Variants in XPO4 observed in about 807,000 individuals in gnomAD.
The protein encoded by XPO4 is exportin 4.
In XPO4, 39 loss-of-function variants were observed where a neutral mutation model predicts 143.0. The ratio of observed to expected loss-of-function variants is 0.27; its 90% CI spans 0.21 to 0.36. The LOEUF (loss-of-function observed/expected upper bound fraction) is 0.36, where lower values mean the gene tolerates loss of function less well. Among genes scored for constraint, XPO4 ranks in the 10% least tolerant of loss-of-function variants. The pLI, the probability that XPO4 is intolerant of heterozygous loss-of-function variation, is 1.00. For missense variants in XPO4, 907 were observed against 1,348.0 expected (o/e 0.67, Z 5.12); for synonymous variants, 439 against 474.0 (o/e 0.93, Z 0.96).
At chr13:20,818,653 T>C (rs1327267064) in intron 9 of XPO4, among the ~76,000 whole-genome samples, 1 of 152,224 alleles carries the variant, frequency 6.6e-6, no homozygotes, top group Non-Finnish European at 1.5e-5. Flanking sequence ...AAAATTAGAA[T>C]TATAATTAGT....
At chr13:20,882,907 G>C (rs1169910038) in intron 1 of XPO4, among the ~76,000 whole-genome samples, 2 of 151,582 alleles carry the variant, frequency 1.3e-5, no homozygotes, top group Non-Finnish European at 2.9e-5. Flanking sequence ...AAAAGGCAGG[G>C]AGTGTAAGAG....
chr13:20,814,210 A>G (rs1231008050), intron 9 of XPO4, among the ~76,000 whole-genome samples: 2 of 149,660 alleles, frequency 1.3e-5, no homozygotes, highest in African/African-American at 2.4e-5. Flanking sequence ...AAAAAAAAAA[A>G]GCAGGATATT....
chr13:20,843,858 G>A lies in XPO4; in HGVS notation c.485C>T (p.Ala162Val), dbSNP rs1305151721. The part of the protein sequence containing the change: ...VQTLACSILT[A>V]LLSEFSSSSK... Reference sequence around the variant, plus strand: ...TGAACTTGAAAATTCACTCAATAGCGCAGTCAGAATAGAACAGGCCAGAGT... The same window carrying A: ...TGAACTTGAAAATTCACTCAATAGCACAGTCAGAATAGAACAGGCCAGAGT... The change falls in exon 5 of 23, where the codon GCG becomes GTG. Residue 162 changes from alanine to valine, a missense_variant. Transcript: ENST00000255305. The A allele has an allele frequency of 3.7e-6, 6 of 1,612,906 alleles. No homozygotes were observed. The highest frequency in any genetic ancestry group is 1.7e-5 in the Admixed American group (1 of 59,982).
chr13:20,835,728 C>T (rs1178763117), intron 6 of XPO4, among the ~76,000 whole-genome samples: 5 of 152,178 alleles, frequency 3.3e-5, no homozygotes, highest in Non-Finnish European at 7.3e-5. Context: ...TTGAACTGCA[C>T]AGGTCCACTT....
chr13:20,848,237 A>G (rs538572221), intron 4 of XPO4: 1 of 979,784 alleles, frequency 1.0e-6, no homozygotes, highest in South Asian at 4.7e-5. Context: ...TACATCTAAA[A>G]TAAATGATAA....
At chr13:20,802,127 G>A (rs547282292) in intron 13 of XPO4, among the ~76,000 whole-genome samples, 1 of 152,090 alleles carries the variant, frequency 6.6e-6, no homozygotes, top group Admixed American at 6.6e-5. Context: ...ACACAGTCAC[G>A]GTCCACTGCA....
chr13:20,866,491 T>C (rs767704251), intron 2 of XPO4: 40 of 611,586 alleles, frequency 6.5e-5, no homozygotes, highest in Non-Finnish European at 7.6e-5. Flanking sequence ...TGAACTGCGA[T>C]TGACTGCCAC....
At chr13:20,819,504 A>G (rs1258037863) in intron 9 of XPO4, among the ~76,000 whole-genome samples, 3 of 152,088 alleles carry the variant, frequency 2.0e-5, no homozygotes, top group Admixed American at 6.5e-5. Flanking sequence ...TACTAAAAAT[A>G]CAAAAATTAG....
rs1469938005 is a variant in XPO4, at chr13:20,779,635, C to T, written c.*4087G>A. On this transcript the variant is annotated 3_prime_UTR_variant, in exon 23 of 23. Coordinates refer to ENST00000255305, the MANE Select transcript of XPO4 (RefSeq NM_022459.5). Reference sequence around the variant, plus strand: ...GTTCCTAGGAGGGAATCGCCACGGCCGACTTCAGCATTCTCGTCTTTACTA... The same window carrying T: ...GTTCCTAGGAGGGAATCGCCACGGCTGACTTCAGCATTCTCGTCTTTACTA... 1.3e-5 allele frequency: 2 copies of T among 152,548 alleles called. No homozygotes were observed. Among genetic ancestry groups the T allele is most frequent in the Non-Finnish European group, 2.9e-5 (2 of 68,010 alleles). The allele number at this position is 152,548 out of a possible 1,614,324, so 9.4% of individuals were successfully genotyped here.
chr13:20,820,044 C>T (rs2059699918), intron 9 of XPO4, among the ~76,000 whole-genome samples: 1 of 151,982 alleles, frequency 6.6e-6, no homozygotes, highest in Non-Finnish European at 1.5e-5. Context: ...CAATAGGTGA[C>T]CAATTATTTT....
intron 7 of XPO4, among the ~76,000 whole-genome samples, chr13:20,822,603 CAAT>C (rs2059734362): frequency 6.6e-6 from 1 of 152,196 alleles, no homozygotes; most frequent in African/African-American, 2.4e-5. Flanking sequence ...AAAACAGCAA[CAAT>C]GACAGTCATC....
At chr13:20,887,755 G>A (rs2060474295) in intron 1 of XPO4, among the ~76,000 whole-genome samples, 1 of 152,112 alleles carries the variant, frequency 6.6e-6, no homozygotes, top group Non-Finnish European at 1.5e-5. Context: ...CAGCTACTTG[G>A]GAGGCAGAGG....
At chr13:20,857,638 A>T (rs1401006946) in intron 3 of XPO4, among the ~76,000 whole-genome samples, 1 of 151,926 alleles carries the variant, frequency 6.6e-6, no homozygotes, top group African/African-American at 2.4e-5. Flanking sequence ...GAGGCAGGAG[A>T]ATGGCATGAA....
At chr13:20,865,711 T>C in intron 2 of XPO4, 1 of 458,850 alleles carries the variant, frequency 2.2e-6, no homozygotes, top group Non-Finnish European at 2.9e-6. Context: ...ACCCCGGTAG[T>C]GAAGCCACAG....
intron 22 of XPO4, among the ~76,000 whole-genome samples, chr13:20,785,803 AGAAG>A (rs568871136): frequency 7.1e-6 from 1 of 141,426 alleles, no homozygotes; most frequent in Non-Finnish European, 1.5e-5. Context: ...ATAAAGGAAG[AGAAG>A]GAAGGAAGGA....
rs186014881 is a variant in XPO4, at chr13:20,901,305, A to G, written c.69+1365T>C. Among the ~76,000 whole-genome samples the G allele has an allele frequency of 3.0e-4, 46 of 152,354 alleles. 1 individual carries two copies. Among genetic ancestry groups the G allele is most frequent in the Admixed American group, 2.7e-3 (41 of 15,302 alleles). ...TTGGAAAACACAAATACTAGTTTAT[A>G]TTAAGCCAGTGACGAAGGACACTGA... On this transcript the variant is annotated intron_variant, in intron 1 of 22. Transcript: ENST00000255305.
At chr13:20,898,425 C>T (rs922447046) in intron 1 of XPO4, among the ~76,000 whole-genome samples, 16 of 152,070 alleles carry the variant, frequency 1.1e-4, no homozygotes, top group Non-Finnish European at 1.9e-4. Context: ...ATTACCCAGG[C>T]GTGGTGCCAG....
At chr13:20,810,094 T>C in intron 9 of XPO4, 127 bp from the exon 10 acceptor site, 1 of 734,000 alleles carries the variant, frequency 1.4e-6, no homozygotes, top group Non-Finnish European at 2.0e-6. Flanking sequence ...ATTGATAAGT[T>C]TTTATTGAAC....
At chr13:20,800,472 G>T in intron 14 of XPO4, 147 bp from the exon 15 acceptor site, 3 of 747,644 alleles carry the variant, frequency 4.0e-6, no homozygotes, top group Non-Finnish European at 6.2e-6. Context: ...ATTTCCACTG[G>T]TCAAAAAAAA....
Sources: gnomAD v4.1 joint callset for allele counts (sites outside exome capture counted in the v4.1 genomes callset) on GRCh38, gnomAD v4.1.1 for gene constraint, MANE v1.5 for transcripts, NCBI Gene and HGNC (gene_info 2026-07-23, HGNC 2026-07-21) for gene names.